The following BCHE variants were observed in gnomAD, a reference collection of about 807,000 sequenced individuals.
BCHE encodes butyrylcholinesterase, also known as cholinesterase.
A neutral mutation model predicts 51.3 loss-of-function variants in BCHE; 48 were observed. The ratio of observed to expected loss-of-function variants is 0.94; its 90% CI spans 0.74 to 1.19. The LOEUF (loss-of-function observed/expected upper bound fraction) is 1.19, where lower values mean the gene tolerates loss of function less well. BCHE is among the 50% of genes most tolerant of loss of function. The pLI, the probability that BCHE is intolerant of heterozygous loss-of-function variation, is 0.00. For synonymous variants in BCHE, 251 were observed against 238.0 expected (o/e 1.05, Z -0.50); for missense variants, 847 against 708.2 (o/e 1.20, Z -2.23).
intron 3 of BCHE, among the ~76,000 whole-genome samples, chr3:165,780,936 A>G (rs1017033800): frequency 1.3e-5 from 2 of 152,144 alleles, no homozygotes; most frequent in Non-Finnish European, 2.9e-5. Flanking sequence ...AATATAAATT[A>G]TGCAACTATA....
At chr3:165,787,468 G>A (rs946656500) in intron 2 of BCHE, among the ~76,000 whole-genome samples, 2 of 151,578 alleles carry the variant, frequency 1.3e-5, no homozygotes, top group African/African-American at 2.4e-5. Context: ...CATAAACCGA[G>A]TCTAAAAAAA....
intron 2 of BCHE, among the ~76,000 whole-genome samples, chr3:165,815,592 A>G (rs1714286433): frequency 6.6e-6 from 1 of 152,144 alleles, no homozygotes; most frequent in South Asian, 2.1e-4. Flanking sequence ...TAATTGATGT[A>G]ATTTTTAATA....
In BCHE at chr3:165,830,835, C is replaced by A. The variant is rs1386999940; in HGVS notation, c.199G>T (p.Gly67Cys). The change falls in exon 2 of 4, where the codon GGT becomes TGT. Residue 67 changes from glycine (G) to cysteine (C), a missense_variant. Transcript: ENST00000264381. ...TGTGGCTTTTTGAATCGAAGTCTACCAAGAGGTGGCTGTGCATAGGGAATT... is the reference window on the plus strand; with the variant it reads ...TGTGGCTTTTTGAATCGAAGTCTACAAAGAGGTGGCTGTGCATAGGGAATT... ...LGIPYAQPPL[G>C]RLRFKKPQSL... 7.4e-6 allele frequency: 12 copies of A among 1,613,878 alleles called. No homozygotes were observed. Among genetic ancestry groups the A allele is most frequent in the Non-Finnish European group, 9.3e-6 (11 of 1,179,914 alleles).
chr3:165,796,682 A>G (rs1713390782), intron 2 of BCHE, among the ~76,000 whole-genome samples: 1 of 152,184 alleles, frequency 6.6e-6, no homozygotes, highest in South Asian at 2.1e-4. Context: ...ATATTATGTG[A>G]ACATTTTAAT....
At chr3:165,807,894 A>G (rs1443664713) in intron 2 of BCHE, among the ~76,000 whole-genome samples, 1 of 152,138 alleles carries the variant, frequency 6.6e-6, no homozygotes. Context: ...TTATTTACTC[A>G]TAGTGAAAAT....
intron 2 of BCHE, among the ~76,000 whole-genome samples, chr3:165,798,104 T>G (rs752415340): frequency 1.3e-5 from 2 of 152,202 alleles, no homozygotes; most frequent in Non-Finnish European, 2.9e-5. Context: ...TCTTGTAGAC[T>G]TGCATAGAGT....
chr3:165,823,765 T>A (rs1714613027), intron 2 of BCHE, among the ~76,000 whole-genome samples: 2 of 151,772 alleles, frequency 1.3e-5, no homozygotes, highest in Non-Finnish European at 1.5e-5. Context: ...TTACTACATA[T>A]TTTTTTTCTC....
At chr3:165,835,054 TAGTTTTTGAGGAATTG>T (rs1303796664) in intron 1 of BCHE, among the ~76,000 whole-genome samples, 3 of 151,924 alleles carry the variant, frequency 2.0e-5, no homozygotes, top group East Asian at 1.9e-4. Flanking sequence ...CAGACCATTC[TAGTTTTTGAGGAATTG>T]AGTTTTTGAG....
At chr3:165,827,773 A>G (rs1714782085) in intron 2 of BCHE, among the ~76,000 whole-genome samples, 1 of 152,132 alleles carries the variant, frequency 6.6e-6, no homozygotes, top group Non-Finnish European at 1.5e-5. Flanking sequence ...ATGAGATATA[A>G]GTAATTCTAA....
At position 165,829,960 on chromosome 3, in the gene BCHE, TA is replaced by T; in HGVS notation, c.1073del (p.Leu358Ter). The T allele has an allele frequency of 1.2e-6, 2 of 1,613,780 alleles. No individual in the cohort carries two copies. The highest frequency in any genetic ancestry group is 1.7e-6 in the Non-Finnish European group (2 of 1,179,882). The part of the protein sequence containing the change: ...GVNKDEGTAF[L>X]VYGAPGFSKD... ...TGCTGAAGCCAGGAGCACCATAGACTAAAAAAGCTGTCCCTTCATCTTTATT... is the reference window on the plus strand; with the variant it reads ...TGCTGAAGCCAGGAGCACCATAGACTAAAAAGCTGTCCCTTCATCTTTATT... On this transcript the variant is annotated frameshift_variant, in exon 2 of 4. Transcript: ENST00000264381. LOFTEE classifies it high-confidence loss of function.
At chr3:165,816,122 G>T (rs952139271) in intron 2 of BCHE, among the ~76,000 whole-genome samples, 1 of 151,452 alleles carries the variant, frequency 6.6e-6, no homozygotes, top group East Asian at 1.9e-4. Context: ...AGAAACATTT[G>T]TCATACTTTT....
intron 2 of BCHE, among the ~76,000 whole-genome samples, chr3:165,800,375 A>T (rs1173282321): frequency 1.3e-5 from 2 of 152,160 alleles, no homozygotes; most frequent in African/African-American, 2.4e-5. Context: ...ATAGACCTGC[A>T]TTCAGGCCCT....
In BCHE at chr3:165,786,266, G is replaced by T. The variant is rs1712946818; in HGVS notation, c.1563C>A (p.Phe521Leu). The change falls in exon 3 of 4, where the codon TTC (phenylalanine) becomes TTA (leucine). Residue 521 changes from phenylalanine (F) to leucine (L), a missense_variant. Phe to Leu is a conservative substitution (Grantham distance 22, BLOSUM62 0). Transcript: ENST00000264381. ...TQNNSTSWPV[F>L]KSTEQKYLTL... ...TTAGATATTTTTGTTCAGTGCTTTT[G>T]AAGACAGGCCAGCTTGTGCTATTGT... 1.2e-6 allele frequency: 2 copies of T among 1,611,912 alleles called. No individual in the cohort carries two copies. The highest frequency in any genetic ancestry group is 1.7e-6 in the Non-Finnish European group (2 of 1,178,688).
chr3:165,773,995 A>G (rs1389956430), intron 3 of BCHE, among the ~76,000 whole-genome samples: 1 of 152,100 alleles, frequency 6.6e-6, no homozygotes, highest in Non-Finnish European at 1.5e-5. Context: ...CAGGGATACC[A>G]AAATCCTCTC....
intron 2 of BCHE, among the ~76,000 whole-genome samples, chr3:165,811,352 T>C (rs1004729361): frequency 1.3e-5 from 2 of 152,012 alleles, no homozygotes; most frequent in African/African-American, 2.4e-5. Flanking sequence ...ACCAGGCTGA[T>C]AAAAAAGTGA....
chr3:165,804,983 T>C (rs935798477), intron 2 of BCHE, among the ~76,000 whole-genome samples: 3 of 152,170 alleles, frequency 2.0e-5, no homozygotes, highest in Non-Finnish European at 2.9e-5. Context: ...TAATTAAAAA[T>C]GTTTACAAGA....
chr3:165,831,186 A>G (rs938552711), intron 1 of BCHE, 145 bp from the exon 2 acceptor site: 32 of 645,954 alleles, frequency 5.0e-5, no homozygotes, highest in Non-Finnish European at 7.9e-5. Flanking sequence ...AGGCCTACAT[A>G]GGAAAAAATA....
At chr3:165,818,369 C>G (rs1714385146) in intron 2 of BCHE, among the ~76,000 whole-genome samples, 1 of 151,968 alleles carries the variant, frequency 6.6e-6, no homozygotes, top group Non-Finnish European at 1.5e-5. Flanking sequence ...TTATATTTAA[C>G]TACTGTTTTT....
intron 2 of BCHE, among the ~76,000 whole-genome samples, chr3:165,788,078 T>C (rs1560005391): frequency 6.6e-6 from 1 of 150,654 alleles, no homozygotes; most frequent in South Asian, 2.1e-4. Flanking sequence ...ATATTATTAA[T>C]AGATAGAAAT....
Sources: allele counts gnomAD v4.1 joint callset (sites outside exome capture counted in the v4.1 genomes callset), GRCh38; gene constraint gnomAD v4.1.1; transcripts MANE v1.5; gene names NCBI Gene and HGNC (gene_info 2026-07-23, HGNC 2026-07-21).